The following RNF111 variants were observed in gnomAD, a reference collection of about 807,000 sequenced individuals.
RNF111 encodes the protein E3 ubiquitin-protein ligase Arkadia.
RNF111 carries 17 observed loss-of-function variants against 95.1 expected under a neutral mutation model. That is an observed-to-expected ratio of 0.18 (90% confidence interval 0.12 to 0.27). RNF111 has a LOEUF of 0.27. RNF111 is among the 10% of genes least tolerant of loss of function. The pLI is 1.00. For synonymous variants in RNF111, 440 were observed against 414.8 expected, an observed-to-expected ratio of 1.06 and a Z score of -0.74; for missense variants, 1,189 against 1,210.4, an observed-to-expected ratio of 0.98 and a Z score of 0.26.
intron 2 of RNF111, among the ~76,000 whole-genome samples, chr15:59,034,030 C>G (rs2041048528): frequency 6.6e-6 from 1 of 152,170 alleles, no homozygotes; most frequent in Admixed American, 6.5e-5. Context: ...TTTATCTCTT[C>G]TTCAGATCCT....
At chr15:59,051,044 T>G (rs1426413976) in intron 2 of RNF111, among the ~76,000 whole-genome samples, 1 of 152,202 alleles carries the variant, frequency 6.6e-6, no homozygotes, top group Non-Finnish European at 1.5e-5. Flanking sequence ...CTAGATACAG[T>G]AATATAAAGA....
At chr15:59,089,354 G>A (rs1366879940) in intron 10 of RNF111, among the ~76,000 whole-genome samples, 1 of 152,148 alleles carries the variant, frequency 6.6e-6, no homozygotes, top group Non-Finnish European at 1.5e-5. Flanking sequence ...TTGGAAAATT[G>A]TGTGCATTTT....
At chr15:58,996,649 C>CTTTTTTTTTTTTTT (rs60350601) in intron 1 of RNF111, among the ~76,000 whole-genome samples, 79 of 100,754 alleles carry the variant, frequency 7.8e-4, no homozygotes, top group Non-Finnish European at 9.7e-4. Flanking sequence ...TCAGTACTTT[C>CTTTTTTTTTTTTTT]TTTTTTTTTT....
At chr15:58,992,769 G>A (rs898869823) in intron 1 of RNF111, among the ~76,000 whole-genome samples, 8 of 151,726 alleles carry the variant, frequency 5.3e-5, no homozygotes, top group East Asian at 3.9e-4. Context: ...GCAATGAGCC[G>A]AGATTGTGCC....
At chr15:59,059,057 C>G (rs1219866997) in intron 5 of RNF111, among the ~76,000 whole-genome samples, 1 of 152,056 alleles carries the variant, frequency 6.6e-6, no homozygotes, top group African/African-American at 2.4e-5. Context: ...GGTGGAGGAT[C>G]ACTTGAGACC....
intron 1 of RNF111, among the ~76,000 whole-genome samples, chr15:59,008,535 A>G (rs1396046022): frequency 6.6e-6 from 1 of 152,140 alleles, no homozygotes; most frequent in Non-Finnish European, 1.5e-5. Context: ...CATTTGTTGA[A>G]AAAACAGTTC....
chr15:59,031,731 G>A (rs1422550656), intron 2 of RNF111, 29 bp downstream of exon 2: 2 of 1,591,034 alleles, frequency 1.3e-6, no homozygotes, highest in East Asian at 2.2e-5. Context: ...AGTAAAACAT[G>A]GAACCTATTG....
intron 2 of RNF111, chr15:59,050,408 G>A (rs1424757756): frequency 1.3e-5 from 2 of 152,362 alleles, no homozygotes; most frequent in African/African-American, 4.8e-5. Context: ...ATTGGAAGAT[G>A]GTGGTTTCTG....
intron 2 of RNF111, among the ~76,000 whole-genome samples, chr15:59,047,330 A>G (rs1335758087): frequency 3.9e-5 from 6 of 152,076 alleles, no homozygotes; most frequent in Non-Finnish European, 8.8e-5. Context: ...TCTCATTTGT[A>G]TGAAAAATTT....
intron 2 of RNF111, among the ~76,000 whole-genome samples, chr15:59,031,994 A>G (rs1418641258): frequency 6.6e-6 from 1 of 151,962 alleles, no homozygotes; most frequent in African/African-American, 2.4e-5. Flanking sequence ...GCTGGAGTGC[A>G]GTGGCGCAAT....
At chr15:59,030,763 A>G in intron 1 of RNF111, 41 bp from the exon 2 acceptor site, 1 of 1,371,530 alleles carries the variant, frequency 7.3e-7, no homozygotes, top group Non-Finnish European at 9.9e-7. Context: ...GTATAATAAA[A>G]CACATTAAAA....
At chr15:58,991,781 G>T (rs1221849229) in intron 1 of RNF111, among the ~76,000 whole-genome samples, 1 of 152,198 alleles carries the variant, frequency 6.6e-6, no homozygotes, top group African/African-American at 2.4e-5. Context: ...AGATGATGTA[G>T]ACAGATTAAA....
chr15:59,075,464 C>T (rs1338932112), intron 6 of RNF111, among the ~76,000 whole-genome samples: 6 of 152,102 alleles, frequency 3.9e-5, no homozygotes, highest in Non-Finnish European at 7.4e-5. Context: ...TTTATTAGCA[C>T]TTTAATTGAA....
intron 2 of RNF111, among the ~76,000 whole-genome samples, chr15:59,039,638 C>T (rs1393436514): frequency 6.6e-6 from 1 of 152,134 alleles, no homozygotes; most frequent in Non-Finnish European, 1.5e-5. Flanking sequence ...AACTTCCTTC[C>T]TCTCTGGTAT....
Position 59,080,941 on chromosome 15 carries a change from T to G in RNF111, c.1954T>G (p.Ser652Ala), listed in dbSNP as rs1194312610. The G allele has an allele frequency of 1.9e-6, 3 of 1,608,722 alleles. No homozygotes were observed. Among genetic ancestry groups the G allele is most frequent in the Non-Finnish European group, 2.5e-6 (3 of 1,176,936 alleles). Residue 652 changes from serine (S) to alanine (A), a missense_variant, in exon 8 of 14, where the codon TCT becomes GCT. Transcript: ENST00000348370. ...TCAAAATATTTTTCTTGCAGATGCC[T>G]CTTTGACAAGGCCACTTCATCATCA... ...CRHYMPPPYA[S>A]LTRPLHHQAS...
intron 6 of RNF111, among the ~76,000 whole-genome samples, chr15:59,074,379 T>C (rs2043073734): frequency 6.6e-6 from 1 of 152,254 alleles, no homozygotes; most frequent in African/African-American, 2.4e-5. Context: ...AAATCTGTTA[T>C]TCACTGTAGC....
chr15:59,084,058 T>C, intron 8 of RNF111, 71 bp from the exon 9 acceptor site: 4 of 1,417,276 alleles, frequency 2.8e-6, no homozygotes, highest in Non-Finnish European at 2.8e-6. Flanking sequence ...GGGATTTTTT[T>C]CTACATTAAG....
chr15:59,053,646 GT>G (rs2042084125), intron 3 of RNF111, among the ~76,000 whole-genome samples: 1 of 152,076 alleles, frequency 6.6e-6, no homozygotes, highest in Non-Finnish European at 1.5e-5. Flanking sequence ...GAAAACCAGT[GT>G]TATGTACCAC....
In RNF111 at chr15:59,096,860, T is replaced by G. The variant is rs2079183616; in HGVS notation, c.*1960T>G. The G allele has an allele frequency of 6.6e-6, 1 of 152,222 alleles. No homozygotes were observed. Among genetic ancestry groups the G allele is most frequent in the South Asian group, 2.1e-4 (1 of 4,832 alleles). The allele number at this position is 152,222 out of a possible 1,614,324, so 9.4% of individuals were successfully genotyped here. On this transcript the variant is annotated 3_prime_UTR_variant, in exon 14 of 14. Coordinates refer to ENST00000348370, the MANE Select transcript of RNF111 (RefSeq NM_017610.8). ...TGAAGAAGTGTAAGATGGGGAGAACTGTATGTCATGGAGTCCTCTTGACGT... is the reference window on the plus strand; with the variant it reads ...TGAAGAAGTGTAAGATGGGGAGAACGGTATGTCATGGAGTCCTCTTGACGT...
Sources: gnomAD v4.1 joint callset for allele counts (sites outside exome capture counted in the v4.1 genomes callset) on GRCh38, gnomAD v4.1.1 for gene constraint, MANE v1.5 for transcripts, NCBI Gene and HGNC (gene_info 2026-07-23, HGNC 2026-07-21) for gene names.